Variants in KCNC4 observed in about 807,000 individuals in gnomAD.
The protein encoded by KCNC4 is voltage-gated potassium channel KCNC4.
A neutral mutation model predicts 42.8 loss-of-function variants in KCNC4; 23 were observed. That is an observed-to-expected ratio of 0.54 (90% CI 0.39 to 0.76). The LOEUF (loss-of-function observed/expected upper bound fraction) is 0.76, where lower values mean the gene tolerates loss of function less well. KCNC4 is among the 30% of genes least tolerant of loss of function. The pLI is 0.00. For synonymous variants in KCNC4, 422 were observed against 393.5 expected (o/e 1.07, Z -0.86); for missense variants, 751 against 898.2 (o/e 0.84, Z 2.10).
Position 110,211,271 on chromosome 1 carries a change from T to G in KCNC4, c.-229T>G. On this transcript the variant is annotated 5_prime_UTR_variant, in exon 1 of 4. Coordinates refer to ENST00000438661, the MANE Select transcript of KCNC4 (RefSeq NM_001039574.3). The surrounding 1 kb of genome is among the most constrained non-coding windows in gnomAD (Gnocchi z 6.5). Reference sequence around the variant, plus strand: ...TCCTCCCTCTCTGCGCCTCCCTCTCTCCGGAGCTTCCTGCCCTAACCCCAA... The same window carrying G: ...TCCTCCCTCTCTGCGCCTCCCTCTCGCCGGAGCTTCCTGCCCTAACCCCAA... 1.7e-6 allele frequency: 1 copy of G among 592,568 alleles called. No homozygotes were observed. Among genetic ancestry groups the G allele is most frequent in the Admixed American group, 3.2e-5 (1 of 31,058 alleles). The allele number at this position is 592,568 out of a possible 1,614,324, so 36.7% of individuals were successfully genotyped here.
chr1:110,230,727 T>C (rs1658652010), intron 3 of KCNC4, among the ~76,000 whole-genome samples: 2 of 152,308 alleles, frequency 1.3e-5, no homozygotes, highest in Admixed American at 1.3e-4. Context: ...TCTGGCTTCA[T>C]CTGGGAGAGA....
In KCNC4 at chr1:110,223,982, T is replaced by G; in HGVS notation, c.1615+82T>G. ...CCAAATGGACCTCAGACCTTGGGATTTGGCATGTGTTTTGTGTGGGGCTTC... is the reference window on the plus strand; with the variant it reads ...CCAAATGGACCTCAGACCTTGGGATGTGGCATGTGTTTTGTGTGGGGCTTC... On this transcript the variant is annotated intron_variant, in intron 2 of 3. Coordinates refer to ENST00000438661, the MANE Select transcript of KCNC4 (RefSeq NM_001039574.3). The surrounding 1 kb of genome is among the most constrained non-coding windows in gnomAD (Gnocchi z 7.5). 8.8e-7 allele frequency: 1 copy of G among 1,133,212 alleles called. No homozygotes were observed. Among genetic ancestry groups the G allele is most frequent in the Non-Finnish European group, 1.3e-6 (1 of 799,876 alleles). 70.2% of individuals were successfully genotyped at this position (1,133,212 alleles called of 1,614,324 possible). A position where few individuals can be genotyped will look rare whatever the true frequency, so the allele number is the denominator to read the frequency against.
At chr1:110,239,486 A>G (rs939370347) in exon 4 of KCNC4, 6 of 152,046 alleles carry the variant, frequency 3.9e-5, no homozygotes, top group African/African-American at 1.5e-4. Context: ...CATTTTCTTC[A>G]TGGTACTTAC....
At chr1:110,247,112 G>T (rs897341291) in exon 4 of KCNC4, 1 of 151,936 alleles carries the variant, frequency 6.6e-6, no homozygotes, top group African/African-American at 2.4e-5. Context: ...AGTATTCCAC[G>T]TGTATGTGTA....
chr1:110,271,364 A>G (rs1659631922), intron 1 of KCNC4, among the ~76,000 whole-genome samples: 1 of 151,984 alleles, frequency 6.6e-6, no homozygotes, highest in Non-Finnish European at 1.5e-5. Flanking sequence ...TGGGGAAGGG[A>G]TAGCCCACAG....
At chr1:110,275,954 C>CAA (rs61372696) in intron 1 of KCNC4, among the ~76,000 whole-genome samples, 29,442 of 105,924 alleles carry the variant, frequency 0.28, 3,898 homozygotes, top group South Asian at 0.36. Flanking sequence ...GACTCCGCCT[C>CAA]AAAAAAAAAA....
downstream of KCNC4, among the ~76,000 whole-genome samples, chr1:110,254,094 G>GGT (rs145503095): frequency 0.023 from 2,966 of 131,038 alleles, 164 homozygotes; most frequent in African/African-American, 0.081. Flanking sequence ...AGAAGTCGGG[G>GGT]GGGGGGCGGC....
At chr1:110,283,894 C>T (rs1180001893), downstream of KCNC4, among the ~76,000 whole-genome samples, 1 of 152,182 alleles carries the variant, frequency 6.6e-6, no homozygotes, top group East Asian at 1.9e-4. Context: ...ACTTCATATG[C>T]TATTTCAGGG....
chr1:110,265,916 C>G (rs1659533442), intron 1 of KCNC4, among the ~76,000 whole-genome samples: 1 of 152,198 alleles, frequency 6.6e-6, no homozygotes, highest in Admixed American at 6.5e-5. Context: ...TCTTTCAGCA[C>G]AGATAGACCC....
At position 110,216,504 on chromosome 1, in the gene KCNC4, C is replaced by T. The variant is rs1337846549; in HGVS notation, c.678+4327C>T. ...GTTCTGAACAGATCAACATTTGTCT[C>T]TGAACATCTTGTCTCTGAATGCTGA... On this transcript the variant is annotated intron_variant, in intron 1 of 3. Coordinates refer to ENST00000438661, the MANE Select transcript of KCNC4 (RefSeq NM_001039574.3). Among the ~76,000 whole-genome samples the T allele has an allele frequency of 2.6e-5, 4 of 152,346 alleles. No homozygotes were observed. The East Asian group carries it at 7.7e-4, about 29-fold the overall frequency.
intron 1 of KCNC4, among the ~76,000 whole-genome samples, chr1:110,262,753 A>G (rs1465102256): frequency 6.6e-6 from 1 of 152,160 alleles, no homozygotes; most frequent in Non-Finnish European, 1.5e-5. Context: ...GATTTGTGAC[A>G]AGGTACTTCT....
chr1:110,281,505 G>C (rs1320126490), intron 1 of KCNC4, among the ~76,000 whole-genome samples: 1 of 151,466 alleles, frequency 6.6e-6, no homozygotes, highest in African/African-American at 2.4e-5. Context: ...AAGGGGGAAG[G>C]GGAATTAGAG....
At chr1:110,278,748 T>C (rs1426835476) in intron 1 of KCNC4, among the ~76,000 whole-genome samples, 1 of 152,130 alleles carries the variant, frequency 6.6e-6, no homozygotes. Context: ...GCTGCAATCG[T>C]ATCTGTCATC....
chr1:110,250,355 T>A (rs1451515035), downstream of KCNC4, among the ~76,000 whole-genome samples: 1 of 152,200 alleles, frequency 6.6e-6, no homozygotes, highest in East Asian at 1.9e-4. Context: ...TCACTCCCTC[T>A]GGCCACAAGC....
intron 1 of KCNC4, among the ~76,000 whole-genome samples, chr1:110,258,650 A>G (rs1009363932): frequency 2.0e-5 from 3 of 152,228 alleles, no homozygotes; most frequent in African/African-American, 2.4e-5. Flanking sequence ...ATTCACACAG[A>G]TGACTATTAA....
chr1:110,239,884 A>G (rs1248002474), exon 4 of KCNC4: 3 of 152,148 alleles, frequency 2.0e-5, no homozygotes, highest in Admixed American at 6.5e-5. Context: ...CCCTTCCCAC[A>G]GTGGCGAGTT....
At chr1:110,227,533 C>T (rs893743623) in intron 3 of KCNC4, among the ~76,000 whole-genome samples, 30 of 152,206 alleles carry the variant, frequency 2.0e-4, no homozygotes, top group African/African-American at 6.8e-4. Flanking sequence ...GACCTCTACC[C>T]TCGCCTGTGT....
rs572687730 is a variant in KCNC4 at position 110,222,665 on chromosome 1, C to T, written c.679-299C>T. The T allele has an allele frequency of 4.7e-5, 17 of 360,546 alleles. No homozygotes were observed. The South Asian group carries it at 7.1e-4, about 15-fold the overall frequency. The allele number at this position is 360,546 out of a possible 1,614,324, so 22.3% of individuals were successfully genotyped here. On this transcript the variant is annotated intron_variant, in intron 1 of 3. Transcript: ENST00000438661. ...GAGAAGCCTTAAAATGCAAATGGGTCAGAGGTGGGCAGAGCTATCAAAGGC... is the reference window on the plus strand; with the variant it reads ...GAGAAGCCTTAAAATGCAAATGGGTTAGAGGTGGGCAGAGCTATCAAAGGC...
intron 1 of KCNC4, among the ~76,000 whole-genome samples, chr1:110,216,444 C>T (rs973238775): frequency 6.6e-6 from 1 of 152,244 alleles, no homozygotes; most frequent in Admixed American, 6.5e-5. Context: ...GCAGGGCATC[C>T]TCCCAGTTTC....
Sources: gnomAD v4.1 joint callset for allele counts (sites outside exome capture counted in the v4.1 genomes callset) on GRCh38, gnomAD v4.1.1 for gene constraint, Gnocchi (gnomAD v3.1) non-coding constraint, MANE v1.5 for transcripts, NCBI Gene and HGNC (gene_info 2026-07-23, HGNC 2026-07-21) for gene names.